TACR1: variants seen among roughly 807,000 people sequenced by gnomAD.
TACR1 encodes the protein tachykinin receptor 1, also known as substance-P receptor.
TACR1 carries 25 observed loss-of-function variants against 35.8 expected under a neutral mutation model. The ratio of observed to expected loss-of-function variants is 0.70; its 90% CI spans 0.51 to 0.98. The LOEUF (loss-of-function observed/expected upper bound fraction) is 0.98. Ranked by LOEUF, TACR1 falls within the 50% of genes least tolerant of loss-of-function variation. TACR1 has a pLI of 0.00. For synonymous variants in TACR1, 195 were observed against 206.7 expected, an observed-to-expected ratio of 0.94 and a Z score of 0.48; for missense variants, 478 against 522.9, an observed-to-expected ratio of 0.91 and a Z score of 0.84.
intron 2 of TACR1, among the ~76,000 whole-genome samples, chr2:75,067,256 T>G (rs973707737): frequency 6.6e-6 from 1 of 152,212 alleles, no homozygotes; most frequent in Non-Finnish European, 1.5e-5. Flanking sequence ...TCTTAGATGC[T>G]GAATCATGCA....
At chr2:75,186,131 T>C (rs1438439930) in intron 1 of TACR1, among the ~76,000 whole-genome samples, 1 of 151,964 alleles carries the variant, frequency 6.6e-6, no homozygotes, top group African/African-American at 2.4e-5. Flanking sequence ...CCCAGCACTT[T>C]GGGAGGCTGA....
intron 1 of TACR1, among the ~76,000 whole-genome samples, chr2:75,151,597 C>T (rs902781118): frequency 3.9e-5 from 6 of 152,244 alleles, no homozygotes; most frequent in African/African-American, 1.4e-4. Context: ...AAGTTTGCTG[C>T]AGGGGTGGGG....
At chr2:75,196,848 C>T (rs527634991) in intron 1 of TACR1, among the ~76,000 whole-genome samples, 1 of 152,288 alleles carries the variant, frequency 6.6e-6, no homozygotes, top group Non-Finnish European at 1.5e-5. Flanking sequence ...AAACAAAACC[C>T]CCCAAAAAAC....
intron 1 of TACR1, among the ~76,000 whole-genome samples, chr2:75,166,405 T>G (rs780794680): frequency 2.0e-5 from 3 of 152,226 alleles, no homozygotes; most frequent in Non-Finnish European, 4.4e-5. Context: ...TATTTTAATG[T>G]GTTTTAATAT....
intron 1 of TACR1, among the ~76,000 whole-genome samples, chr2:75,175,719 TC>T (rs1014646246): frequency 6.6e-6 from 1 of 152,078 alleles, no homozygotes; most frequent in African/African-American, 2.4e-5. Flanking sequence ...CAGGGAAACT[TC>T]CCTATCTCAA....
intron 2 of TACR1, among the ~76,000 whole-genome samples, chr2:75,102,757 G>T (rs911125072): frequency 6.6e-6 from 1 of 151,990 alleles, no homozygotes. Context: ...CCAAATAAAG[G>T]TATTATCAAA....
intron 1 of TACR1, among the ~76,000 whole-genome samples, chr2:75,158,936 G>C (rs1292569331): frequency 2.0e-5 from 3 of 152,194 alleles, no homozygotes; most frequent in Non-Finnish European, 4.4e-5. Context: ...ATCTGTAAAT[G>C]GAGCTAGTAA....
intron 1 of TACR1, among the ~76,000 whole-genome samples, chr2:75,176,444 A>G (rs969832500): frequency 3.3e-5 from 5 of 151,236 alleles, no homozygotes; most frequent in Non-Finnish European, 7.4e-5. Flanking sequence ...ACTCCCTTCA[A>G]TCTCCTTTAA....
intron 1 of TACR1, among the ~76,000 whole-genome samples, chr2:75,128,249 A>C (rs1201543537): frequency 6.6e-6 from 1 of 152,208 alleles, no homozygotes; most frequent in Non-Finnish European, 1.5e-5. Flanking sequence ...GACAGATACA[A>C]TTCTGGAGTA....
intron 1 of TACR1, among the ~76,000 whole-genome samples, chr2:75,150,457 G>A (rs1266190520): frequency 2.0e-5 from 3 of 152,124 alleles, no homozygotes; most frequent in Non-Finnish European, 4.4e-5. Flanking sequence ...TAGTGAATGA[G>A]TCTCATGAGA....
intron 2 of TACR1, among the ~76,000 whole-genome samples, chr2:75,098,686 G>A (rs1159552610): frequency 6.6e-6 from 1 of 152,082 alleles, no homozygotes; most frequent in Non-Finnish European, 1.5e-5. Context: ...GCTTGCTCTA[G>A]GAGTGGATTC....
At chr2:75,097,501 C>T (rs1673446627) in intron 2 of TACR1, among the ~76,000 whole-genome samples, 1 of 151,982 alleles carries the variant, frequency 6.6e-6, no homozygotes, top group Non-Finnish European at 1.5e-5. Context: ...TTAGAGACAA[C>T]CTGGATCTTT....
At chr2:75,084,432 T>C (rs376974845) in intron 2 of TACR1, among the ~76,000 whole-genome samples, 1 of 152,212 alleles carries the variant, frequency 6.6e-6, no homozygotes, top group Non-Finnish European at 1.5e-5. Context: ...CAGGATGATG[T>C]TGGCCTCATA....
intron 1 of TACR1, among the ~76,000 whole-genome samples, chr2:75,128,873 T>A (rs1674128512): frequency 6.6e-6 from 1 of 152,170 alleles, no homozygotes; most frequent in Admixed American, 6.5e-5. Flanking sequence ...TGCTGACATG[T>A]ATAAGACAGA....
At chr2:75,100,370 A>G (rs1283868426) in intron 2 of TACR1, among the ~76,000 whole-genome samples, 1 of 152,206 alleles carries the variant, frequency 6.6e-6, no homozygotes, top group Non-Finnish European at 1.5e-5. Flanking sequence ...CTTTGGCATA[A>G]ATTATAACCT....
chr2:75,085,833 C>A (rs891300672), intron 2 of TACR1, among the ~76,000 whole-genome samples: 38 of 152,252 alleles, frequency 2.5e-4, no homozygotes, highest in African/African-American at 9.1e-4. Flanking sequence ...AGAACATTTT[C>A]AGATTTCCTC....
At chr2:75,049,832 T>C in intron 4 of TACR1, 109 bp from the exon 5 acceptor site, 1 of 1,258,932 alleles carries the variant, frequency 7.9e-7, no homozygotes, top group African/African-American at 1.5e-5. Flanking sequence ...CGTGATTCTG[T>C]TATTGTTTTT....
chr2:75,182,358 T>A (rs948566256), intron 1 of TACR1, among the ~76,000 whole-genome samples: 18 of 152,158 alleles, frequency 1.2e-4, no homozygotes, highest in Admixed American at 3.3e-4. Context: ...CAGGCAACTG[T>A]AAATGGCTTG....
chr2:75,196,696 G>T (rs1676003281), intron 1 of TACR1, among the ~76,000 whole-genome samples: 1 of 152,172 alleles, frequency 6.6e-6, no homozygotes, highest in African/African-American at 2.4e-5. Flanking sequence ...AAAGATCAGG[G>T]CTGCAGAACA....
Sources: allele counts gnomAD v4.1 joint callset (sites outside exome capture counted in the v4.1 genomes callset), GRCh38; gene constraint gnomAD v4.1.1; transcripts MANE v1.5; gene names NCBI Gene and HGNC (gene_info 2026-07-23, HGNC 2026-07-21).